The following FKBP5 variants were observed in gnomAD, a reference collection of about 807,000 sequenced individuals.
The protein encoded by FKBP5 is FKBP prolyl isomerase 5, also known as peptidyl-prolyl cis-trans isomerase FKBP5.
FKBP5 carries 23 observed loss-of-function variants against 50.5 expected under a neutral mutation model. The observed-to-expected ratio is 0.46, with a 90% CI of 0.33 to 0.65. The LOEUF (loss-of-function observed/expected upper bound fraction) is 0.65, where lower values mean the gene tolerates loss of function less well. Among genes scored for constraint, FKBP5 ranks in the 30% least tolerant of loss-of-function variants. FKBP5 has a pLI of 0.02. For synonymous variants in FKBP5, 176 were observed against 190.6 expected, an observed-to-expected ratio of 0.92 and a Z score of 0.63; for missense variants, 411 against 553.1, an observed-to-expected ratio of 0.74 and a Z score of 2.58.
chr6:35,623,337 A>G (rs1763904801), intron 3 of FKBP5, among the ~76,000 whole-genome samples: 1 of 152,242 alleles, frequency 6.6e-6, no homozygotes, highest in African/African-American at 2.4e-5. Flanking sequence ...AAGGAAAGAC[A>G]TCATCATCAT....
chr6:35,722,159 TCTTA>T (rs1379506076), intron 1 of FKBP5, among the ~76,000 whole-genome samples: 9 of 151,696 alleles, frequency 5.9e-5, no homozygotes, highest in Non-Finnish European at 1.0e-4. Context: ...TCTGAAATTT[TCTTA>T]CTTATTTGTT....
At chr6:35,611,627 T>A (rs1211015978) in intron 5 of FKBP5, among the ~76,000 whole-genome samples, 1 of 152,212 alleles carries the variant, frequency 6.6e-6, no homozygotes, top group Admixed American at 6.5e-5. Flanking sequence ...AAGACTGAAG[T>A]ATCAGTCATC....
intron 2 of FKBP5, among the ~76,000 whole-genome samples, chr6:35,706,939 A>G (rs892819415): frequency 3.9e-5 from 6 of 152,208 alleles, no homozygotes; most frequent in African/African-American, 1.2e-4. Flanking sequence ...ATATTAGGTG[A>G]AAAAGCAAAG....
intron 1 of FKBP5, among the ~76,000 whole-genome samples, chr6:35,652,205 C>T (rs980024281): frequency 3.3e-5 from 5 of 152,136 alleles, no homozygotes; most frequent in East Asian, 1.9e-4. Context: ...GGATGTGTAT[C>T]GTCTCAGGAC....
At chr6:35,594,067 T>C (rs908767300) in intron 6 of FKBP5, among the ~76,000 whole-genome samples, 1 of 151,966 alleles carries the variant, frequency 6.6e-6, no homozygotes, top group African/African-American at 2.4e-5. Context: ...TATGAAGACA[T>C]TCTAGGCCAG....
At chr6:35,715,244 C>A (rs1766491519) in intron 2 of FKBP5, among the ~76,000 whole-genome samples, 1 of 152,162 alleles carries the variant, frequency 6.6e-6, no homozygotes, top group African/African-American at 2.4e-5. Flanking sequence ...CATTTCACAG[C>A]ATCTTCAGCC....
intron 2 of FKBP5, among the ~76,000 whole-genome samples, chr6:35,705,238 ATATATATATATATATATATAT>A (rs1383547436): frequency 1.2e-4 from 4 of 34,720 alleles, no homozygotes; most frequent in South Asian, 1.9e-3. Flanking sequence ...ATATATATAT[ATATATATATATATATATATAT>A]TTTTTTTTTT....
At chr6:35,598,583 A>G (rs552555980) in intron 5 of FKBP5, among the ~76,000 whole-genome samples, 122 of 152,196 alleles carry the variant, frequency 8.0e-4, no homozygotes, top group Non-Finnish European at 1.6e-3. Flanking sequence ...TTTAATATTA[A>G]GGGTATTCTA....
At chr6:35,582,859 G>A (rs931066188) in intron 8 of FKBP5, 1 of 973,064 alleles carries the variant, frequency 1.0e-6, no homozygotes, top group Admixed American at 6.1e-5. Flanking sequence ...TCAGGGTTTA[G>A]CACCAAGAGG....
chr6:35,605,383 CTTTT>C lies in FKBP5; in HGVS notation c.509-7983_509-7980del, dbSNP rs1158530509. Among the ~76,000 whole-genome samples, 19 of 52,308 alleles carry C rather than the reference CTTTT, an allele frequency of 3.6e-4. No individual in the cohort carries two copies. The South Asian group carries it at 7.1e-3, about 20-fold the overall frequency. The allele number at this position is 52,308 out of a possible 152,430, so 34.3% of individuals were successfully genotyped here. On this transcript the variant is annotated intron_variant, in intron 5 of 10. Transcript: ENST00000357266. ...TAATAAGAGCCACCTATGACAATATCTTTTTTTTTTTTTTTTTTTTTTTTTTTTT... is the reference window on the plus strand; with the variant it reads ...TAATAAGAGCCACCTATGACAATATCTTTTTTTTTTTTTTTTTTTTTTTTT...
chr6:35,684,735 G>T (rs1765774944), intron 1 of FKBP5, among the ~76,000 whole-genome samples: 1 of 152,054 alleles, frequency 6.6e-6, no homozygotes, highest in South Asian at 2.1e-4. Context: ...TTTCCAAGAG[G>T]CTATAAGTCG....
chr6:35,683,974 G>A (rs894035159), intron 1 of FKBP5, among the ~76,000 whole-genome samples: 2 of 151,930 alleles, frequency 1.3e-5, no homozygotes, highest in African/African-American at 4.8e-5. Flanking sequence ...AGGAAGAATC[G>A]CTTGAACCAA....
intron 1 of FKBP5, among the ~76,000 whole-genome samples, chr6:35,677,288 T>G (rs1269850612): frequency 1.3e-5 from 2 of 151,912 alleles, no homozygotes; most frequent in Admixed American, 1.3e-4. Context: ...TTAGCCAGAG[T>G]GGTCTCGATC....
At chr6:35,644,227 C>T (rs1292014132) in intron 1 of FKBP5, among the ~76,000 whole-genome samples, 1 of 152,202 alleles carries the variant, frequency 6.6e-6, no homozygotes, top group Non-Finnish European at 1.5e-5. Flanking sequence ...CACCTAACCA[C>T]TGCCATGATG....
At chr6:35,630,617 T>C (rs1250169779) in intron 3 of FKBP5, among the ~76,000 whole-genome samples, 2 of 152,244 alleles carry the variant, frequency 1.3e-5, no homozygotes, top group Non-Finnish European at 2.9e-5. Context: ...ACTTCATTTC[T>C]GTACCTGGTT....
chr6:35,634,688 A>C (rs1031261420), intron 3 of FKBP5, among the ~76,000 whole-genome samples: 1 of 142,298 alleles, frequency 7.0e-6, no homozygotes, highest in African/African-American at 2.6e-5. Flanking sequence ...GTCCACACAT[A>C]GCCATGGTGG....
chr6:35,673,590 C>T (rs920346961), intron 1 of FKBP5, among the ~76,000 whole-genome samples: 4 of 151,920 alleles, frequency 2.6e-5, no homozygotes, highest in Non-Finnish European at 5.9e-5. Context: ...TTTGAGAATA[C>T]TATTTATGTT....
chr6:35,595,986 C>T (rs935511745), intron 6 of FKBP5, among the ~76,000 whole-genome samples: 29 of 152,146 alleles, frequency 1.9e-4, no homozygotes, highest in African/African-American at 6.3e-4. Flanking sequence ...GCCTCAGTGA[C>T]GGCTATGAAG....
intron 1 of FKBP5, among the ~76,000 whole-genome samples, chr6:35,688,508 G>T (rs1765901768): frequency 6.6e-6 from 1 of 151,676 alleles, no homozygotes; most frequent in African/African-American, 2.4e-5. Flanking sequence ...AGAGGCCGGC[G>T]GGGGCGGAGA....
Sources: allele counts gnomAD v4.1 joint callset (sites outside exome capture counted in the v4.1 genomes callset), GRCh38; gene constraint gnomAD v4.1.1; transcripts MANE v1.5; gene names NCBI Gene and HGNC (gene_info 2026-07-23, HGNC 2026-07-21).